LEMD3: variants seen among roughly 807,000 people sequenced by gnomAD.
The protein encoded by LEMD3 is inner nuclear membrane protein Man1.
LEMD3 carries 33 observed loss-of-function variants against 95.2 expected under a neutral mutation model. That is an observed-to-expected ratio of 0.35 (90% CI 0.26 to 0.46). LEMD3 has a LOEUF of 0.46. Among genes scored for constraint, LEMD3 ranks in the 20% least tolerant of loss-of-function variants. The pLI is 1.00. For synonymous variants in LEMD3, 525 were observed against 474.6 expected (o/e 1.11, Z -1.38); for missense variants, 1,210 against 1,192.8 (o/e 1.01, Z -0.21).
Position 65,169,608 on chromosome 12 carries a change from A to C in LEMD3, c.12A>C (p.Ala4=). MAA[A]AASAPQQLSD... Reference sequence around the variant, plus strand: ...ACCCTGGAGAGAAAATGGCGGCGGCAGCAGCTTCGGCGCCTCAGCAGCTCT... The same window carrying C: ...ACCCTGGAGAGAAAATGGCGGCGGCCGCAGCTTCGGCGCCTCAGCAGCTCT... Residue 4 remains alanine, a synonymous_variant, in exon 1 of 13, where the codon GCA becomes GCC. Coordinates refer to ENST00000308330, the MANE Select transcript of LEMD3 (RefSeq NM_014319.5). The C allele has an allele frequency of 6.3e-7, 1 of 1,587,888 alleles. No individual in the cohort carries two copies. The highest frequency in any genetic ancestry group is 8.6e-7 in the Non-Finnish European group (1 of 1,169,356).
chr12:65,240,702 G>GA (rs1235083299), intron 8 of LEMD3: 14 of 583,988 alleles, frequency 2.4e-5, no homozygotes, highest in African/African-American at 5.6e-5. Flanking sequence ...AGCTTTTGGG[G>GA]AAAAAAAATA....
Position 65,169,969 on chromosome 12 carries a change from G to T in LEMD3, c.373G>T (p.Ala125Ser), listed in dbSNP as rs1348064271. The T allele has an allele frequency of 1.4e-6, 2 of 1,462,494 alleles. No homozygotes were observed. The highest frequency in any genetic ancestry group is 1.8e-6 in the Non-Finnish European group (2 of 1,118,078). 90.6% of individuals were successfully genotyped at this position (1,462,494 alleles called of 1,614,324 possible). ...PESLLGGPGG[A>S]SAAPAAGSKV... Reference sequence around the variant, plus strand: ...GAGCCTCCTGGGAGGGCCCGGGGGCGCCTCCGCCGCCCCCGCGGCTGGCAG... The same window carrying T: ...GAGCCTCCTGGGAGGGCCCGGGGGCTCCTCCGCCGCCCCCGCGGCTGGCAG... The change falls in exon 1 of 13, where the codon GCC becomes TCC. Residue 125 changes from alanine (A) to serine (S), a missense_variant. Physicochemically the swap from Ala to Ser is moderately conservative, Grantham distance 99. Transcript: ENST00000308330.
rs61736594 is a variant in LEMD3 at position 65,169,932 on chromosome 12, C to T, written c.336C>T (p.Ala112=). The T allele has an allele frequency of 0.073, 106,191 of 1,449,138 alleles. 4,355 individuals carry two copies. Among genetic ancestry groups the T allele is most frequent in the East Asian group, 0.15 (5,820 of 37,928 alleles). The allele number at this position is 1,449,138 out of a possible 1,614,324, so 89.8% of individuals were successfully genotyped here. ...RTPGGLCRIS[A]SGPESLLGGP... ...CTGGGGGCCTGTGCCGAATCTCGGCCTCTGGCCCAGAGAGCCTCCTGGGAG... is the reference window on the plus strand; with the variant it reads ...CTGGGGGCCTGTGCCGAATCTCGGCTTCTGGCCCAGAGAGCCTCCTGGGAG... The change falls in exon 1 of 13, where the codon GCC becomes GCT. Residue 112 remains alanine (A), a synonymous_variant. Transcript: ENST00000308330.
chr12:65,188,636 C>G (rs576830838), intron 1 of LEMD3, among the ~76,000 whole-genome samples: 2 of 151,328 alleles, frequency 1.3e-5, no homozygotes, highest in South Asian at 4.1e-4. Context: ...TCCTTACTTG[C>G]TTTAACAATT....
At chr12:65,219,044 GGCCTCCCAAAGT>G (rs998203760) in intron 4 of LEMD3, among the ~76,000 whole-genome samples, 3 of 152,106 alleles carry the variant, frequency 2.0e-5, no homozygotes, top group African/African-American at 7.2e-5. Flanking sequence ...TGCATGCCTT[GGCCTCCCAAAGT>G]GCTGGGATTA....
intron 8 of LEMD3, chr12:65,240,682 A>C: frequency 1.8e-6 from 1 of 569,984 alleles, no homozygotes; most frequent in Non-Finnish European, 3.1e-6. Flanking sequence ...GCAACACATA[A>C]AGCCAGTGGA....
At chr12:65,198,752 T>C (rs1336705516) in intron 1 of LEMD3, among the ~76,000 whole-genome samples, 1 of 152,214 alleles carries the variant, frequency 6.6e-6, no homozygotes, top group Admixed American at 6.5e-5. Context: ...AATATGATGT[T>C]AATGCTATGT....
intron 4 of LEMD3, among the ~76,000 whole-genome samples, chr12:65,228,037 G>A (rs954264190): frequency 6.6e-6 from 1 of 152,132 alleles, no homozygotes; most frequent in Non-Finnish European, 1.5e-5. Context: ...AAATGGGATA[G>A]GGACTGGGGA....
rs577469393 is a variant in LEMD3, at chr12:65,234,249, T to G, written c.1696-4253T>G. 9.9e-5 allele frequency among the ~76,000 whole-genome samples: 15 copies of G among 152,280 alleles called. No homozygotes were observed. The East Asian group carries it at 1.7e-3, about 18-fold the overall frequency. On this transcript the variant is annotated intron_variant, in intron 4 of 12. Coordinates refer to ENST00000308330, the MANE Select transcript of LEMD3 (RefSeq NM_014319.5). ...GCTTTTAAAAAAGAAAGAAAGAAATTTATATGGCTGCACAGCTTAAAGTGT... is the reference window on the plus strand; with the variant it reads ...GCTTTTAAAAAAGAAAGAAAGAAATGTATATGGCTGCACAGCTTAAAGTGT...
intron 1 of LEMD3, among the ~76,000 whole-genome samples, chr12:65,193,732 CTGTGTGTGTGTGTGTGTG>C (rs746675293): frequency 2.1e-4 from 27 of 129,438 alleles, no homozygotes; most frequent in South Asian, 8.2e-4. Flanking sequence ...ACATAACTGG[CTGTGTGTGTGTGTGTGTG>C]TGTGTGTGTG....
At chr12:65,231,779 T>G (rs1870637260) in intron 4 of LEMD3, among the ~76,000 whole-genome samples, 1 of 152,056 alleles carries the variant, frequency 6.6e-6, no homozygotes, top group Non-Finnish European at 1.5e-5. Context: ...AAAATTTTGG[T>G]CCATTTTCCT....
intron 4 of LEMD3, among the ~76,000 whole-genome samples, chr12:65,231,258 G>T (rs1294840693): frequency 6.6e-6 from 1 of 151,990 alleles, no homozygotes; most frequent in Non-Finnish European, 1.5e-5. Context: ...CACCATAGAC[G>T]CAGTTTGTAC....
intron 1 of LEMD3, among the ~76,000 whole-genome samples, chr12:65,199,923 C>T (rs534733032): frequency 5.9e-5 from 9 of 152,042 alleles, no homozygotes; most frequent in East Asian, 1.9e-4. Flanking sequence ...AGGAGAATAG[C>T]GTCTGGAGGC....
intron 1 of LEMD3, among the ~76,000 whole-genome samples, chr12:65,181,554 T>C (rs1293389964): frequency 6.6e-6 from 1 of 152,162 alleles, no homozygotes; most frequent in African/African-American, 2.4e-5. Flanking sequence ...AAACATACTT[T>C]AAAAATTAGT....
At chr12:65,201,105 C>G (rs1249677952) in intron 1 of LEMD3, among the ~76,000 whole-genome samples, 1 of 152,106 alleles carries the variant, frequency 6.6e-6, no homozygotes, top group Admixed American at 6.6e-5. Context: ...GATCAGTTGA[C>G]TGTATTTATA....
chr12:65,233,378 C>T (rs990932656), intron 4 of LEMD3, among the ~76,000 whole-genome samples: 1 of 152,072 alleles, frequency 6.6e-6, no homozygotes, highest in Non-Finnish European at 1.5e-5. Context: ...TCACTTGTCC[C>T]ATTTAAGGTT....
At chr12:65,229,679 T>C (rs1191722578) in intron 4 of LEMD3, among the ~76,000 whole-genome samples, 1 of 152,204 alleles carries the variant, frequency 6.6e-6, no homozygotes, top group Non-Finnish European at 1.5e-5. Flanking sequence ...TTGTATGTCT[T>C]CTTTTAAGAG....
chr12:65,244,595 A>C (rs557812563), intron 10 of LEMD3, among the ~76,000 whole-genome samples: 199 of 152,274 alleles, frequency 1.3e-3, no homozygotes, highest in African/African-American at 4.4e-3. Context: ...AGAGAAGCTC[A>C]AATGTAGTAT....
chr12:65,172,912 T>G (rs1409221653), intron 1 of LEMD3, among the ~76,000 whole-genome samples: 1 of 152,080 alleles, frequency 6.6e-6, no homozygotes, highest in African/African-American at 2.4e-5. Context: ...GTATTTTTAG[T>G]AGAGACAGGG....
Sources: gnomAD v4.1 joint callset for allele counts (sites outside exome capture counted in the v4.1 genomes callset) on GRCh38, gnomAD v4.1.1 for gene constraint, MANE v1.5 for transcripts, NCBI Gene and HGNC (gene_info 2026-07-23, HGNC 2026-07-21) for gene names.